Variants in RAB38 observed in about 807,000 individuals in gnomAD.
The protein encoded by RAB38 is RAB38, member RAS oncogene family.
Under a neutral mutation model 18.4 loss-of-function variants are expected in RAB38, and 15 were observed. The ratio of observed to expected loss-of-function variants is 0.82; its 90% confidence interval spans 0.55 to 1.26. The LOEUF (loss-of-function observed/expected upper bound fraction) is 1.26, where lower values mean the gene tolerates loss of function less well. Among genes scored for constraint, RAB38 ranks in the 50% most tolerant of loss-of-function variants. The pLI is 0.00. For missense variants in RAB38, 294 were observed against 267.4 expected, an observed-to-expected ratio of 1.10 and a Z score of -0.69; for synonymous variants, 101 against 104.4, an observed-to-expected ratio of 0.97 and a Z score of 0.20.
the RAB38 span, among the ~76,000 whole-genome samples, chr11:87,976,775 T>C: frequency 5.1e-5 from 6 of 116,608 alleles, no homozygotes; most frequent in Admixed American, 3.4e-4. Flanking sequence ...ATAATATATA[T>C]TTATATATTA....
chr11:88,027,996 C>T, the RAB38 span, among the ~76,000 whole-genome samples: 13 of 152,206 alleles, frequency 8.5e-5, no homozygotes, highest in Non-Finnish European at 1.8e-4. Flanking sequence ...GGCAGACTGA[C>T]ACCTCACTCG....
At chr11:88,112,635 G>A (rs1305166904), downstream of RAB38, among the ~76,000 whole-genome samples, 4 of 151,996 alleles carry the variant, frequency 2.6e-5, no homozygotes, top group East Asian at 1.9e-4. Context: ...TTAGCTGGGC[G>A]TGGTGGCACA....
the RAB38 span, among the ~76,000 whole-genome samples, chr11:88,005,832 C>T: frequency 6.6e-6 from 1 of 151,414 alleles, no homozygotes; most frequent in South Asian, 2.1e-4. Context: ...ATCCAGTTTT[C>T]CCAGCATTGT....
chr11:87,975,195 T>C, the RAB38 span, among the ~76,000 whole-genome samples: 1 of 151,948 alleles, frequency 6.6e-6, no homozygotes, highest in Non-Finnish European at 1.5e-5. Flanking sequence ...TCATCTTAAA[T>C]CCAAGATGAT....
chr11:88,033,854 A>T, the RAB38 span, among the ~76,000 whole-genome samples: 1 of 149,506 alleles, frequency 6.7e-6, no homozygotes, highest in Admixed American at 6.8e-5. Context: ...CAGCCTCCCA[A>T]GTAGCTGGGA....
the RAB38 span, among the ~76,000 whole-genome samples, chr11:87,909,555 C>T: frequency 2.6e-5 from 4 of 151,968 alleles, no homozygotes; most frequent in African/African-American, 9.7e-5. Flanking sequence ...CAAATGTGTA[C>T]ATCCATAAAA....
the RAB38 span, chr11:87,879,432 T>C: frequency 6.6e-6 from 1 of 151,440 alleles, no homozygotes; most frequent in Non-Finnish European, 1.5e-5. Context: ...GTTGGGACTA[T>C]GAAAAGACAA....
chr11:88,060,700 G>A, the RAB38 span, among the ~76,000 whole-genome samples: 2 of 152,244 alleles, frequency 1.3e-5, no homozygotes, highest in East Asian at 3.9e-4. Context: ...TATATTTAAG[G>A]ATATTTAGCA....
intron 2 of RAB38, among the ~76,000 whole-genome samples, chr11:88,124,082 A>G (rs1942662718): frequency 6.6e-6 from 1 of 152,238 alleles, no homozygotes; most frequent in African/African-American, 2.4e-5. Flanking sequence ...ACCTTGGGTG[A>G]AAACAAATAG....
At chr11:88,061,232 GAA>G in the RAB38 span, among the ~76,000 whole-genome samples, 1 of 152,228 alleles carries the variant, frequency 6.6e-6, no homozygotes, top group Non-Finnish European at 1.5e-5. Flanking sequence ...CTGTGAAGAG[GAA>G]AGGCCAGGAT....
At chr11:88,014,588 T>C in the RAB38 span, among the ~76,000 whole-genome samples, 4 of 152,122 alleles carry the variant, frequency 2.6e-5, no homozygotes, top group Non-Finnish European at 5.9e-5. Context: ...ATGTAACAAG[T>C]CATATTAATG....
At chr11:88,077,033 A>AAAGC in the RAB38 span, among the ~76,000 whole-genome samples, 243 of 108,818 alleles carry the variant, frequency 2.2e-3, no homozygotes, top group African/African-American at 3.1e-3. Context: ...GAAAAGAAAG[A>AAAGC]AAGCAAGCAA....
the RAB38 span, among the ~76,000 whole-genome samples, chr11:87,956,079 TAATAA>T: frequency 6.1e-5 from 9 of 146,740 alleles, no homozygotes; most frequent in African/African-American, 2.1e-4. Flanking sequence ...TTTTCTGAGC[TAATAA>T]AATAATTTTT....
chr11:88,007,946 C>T, the RAB38 span, among the ~76,000 whole-genome samples: 1 of 151,926 alleles, frequency 6.6e-6, no homozygotes, highest in Non-Finnish European at 1.5e-5. Context: ...TATGGATGAA[C>T]CTCAAAAATA....
chr11:87,812,232 CA>C, the RAB38 span, among the ~76,000 whole-genome samples: 1 of 151,998 alleles, frequency 6.6e-6, no homozygotes, highest in East Asian at 1.9e-4. Flanking sequence ...TTCTTTTTTT[CA>C]AGCCTCTTTT....
the RAB38 span, chr11:87,817,524 T>G: frequency 6.6e-6 from 1 of 152,200 alleles, no homozygotes; most frequent in Non-Finnish European, 1.5e-5. Flanking sequence ...CTTATGAGCT[T>G]GCTTCCTGGA....
chr11:87,905,005 G>A, the RAB38 span, among the ~76,000 whole-genome samples: 1 of 151,502 alleles, frequency 6.6e-6, no homozygotes, highest in South Asian at 2.1e-4. Context: ...CCTCTTCTGG[G>A]ACTCCAATTT....
chr11:87,826,353 G>A, the RAB38 span, among the ~76,000 whole-genome samples: 1 of 151,452 alleles, frequency 6.6e-6, no homozygotes, highest in Non-Finnish European at 1.5e-5. Context: ...AAAAATAAAG[G>A]TGCCAAAAGA....
chr11:88,047,832 C>A, the RAB38 span, among the ~76,000 whole-genome samples: 2 of 152,140 alleles, frequency 1.3e-5, no homozygotes, highest in African/African-American at 4.8e-5. Context: ...TGGCCACTCC[C>A]ACATACTCCC....
Sources: gnomAD v4.1 joint callset for allele counts (sites outside exome capture counted in the v4.1 genomes callset) on GRCh38, gnomAD v4.1.1 for gene constraint, MANE v1.5 for transcripts, NCBI Gene and HGNC (gene_info 2026-07-23, HGNC 2026-07-21) for gene names.